Variants in DACH2 observed in about 807,000 individuals in gnomAD.
The protein encoded by DACH2 is dachshund family transcription factor 2, also known as dachshund homolog 2.
A neutral mutation model predicts 35.8 loss-of-function variants in DACH2; 17 were observed. The observed-to-expected ratio is 0.48, with a 90% CI of 0.33 to 0.71. DACH2 has a LOEUF of 0.71. DACH2 is among the 30% of genes least tolerant of loss of function. DACH2 has a pLI of 0.02. For missense variants in DACH2, 469 were observed against 472.7 expected (o/e 0.99, Z 0.07); for synonymous variants, 195 against 177.3 (o/e 1.10, Z -0.79).
intron 7 of DACH2, among the ~76,000 whole-genome samples, chrX:86,792,923 A>G (rs990018990): frequency 9.9e-5 from 11 of 111,518 alleles, no homozygotes; most frequent in Non-Finnish European, 1.7e-4. Flanking sequence ...TGGTAGTTCT[A>G]TTTTTAGTTT....
intron 6 of DACH2, among the ~76,000 whole-genome samples, chrX:86,732,172 G>A (rs909309199): frequency 9.0e-6 from 1 of 111,377 alleles, no homozygotes; most frequent in Non-Finnish European, 1.9e-5. Context: ...CAGTCATTTT[G>A]AGAACAAGAA....
At chrX:86,166,064 T>C (rs1382082515) in intron 1 of DACH2, among the ~76,000 whole-genome samples, 1 of 111,640 alleles carries the variant, frequency 9.0e-6, no homozygotes, top group Admixed American at 9.5e-5. Context: ...TTTCCACCTT[T>C]CCCAGCACTC....
chrX:86,629,921 G>A lies in DACH2; in HGVS notation c.641-21115G>A, dbSNP rs182809154. Among the ~76,000 whole-genome samples the A allele has an allele frequency of 2.9e-3, 323 of 110,883 alleles. 1 individual carries two copies. The highest frequency in any genetic ancestry group is 0.011 in the African/African-American group (321 of 30,498). Reference sequence around the variant, plus strand: ...AAATGATAAAAATAAATTACCAACAGACAAGTATAACTCATGATTACCCAA... The same window carrying A: ...AAATGATAAAAATAAATTACCAACAAACAAGTATAACTCATGATTACCCAA... On this transcript the variant is annotated intron_variant, in intron 3 of 11. Coordinates refer to ENST00000373125, the MANE Select transcript of DACH2 (RefSeq NM_053281.3).
rs1050414463 is a variant in DACH2 at position 86,714,641 on chromosome X, A to C, written c.1025A>C (p.His342Pro). ...GCCATGGCAATGAATCAGATGAACC[A>C]TCTCAATACTATTGCCAACATGGCT... ...SVAMAMNQMN[H>P]LNTIANMAAA... is the part of the protein sequence containing the mutation. Residue 342 changes from histidine (H) to proline (P), a missense_variant, in exon 6 of 12, where the codon CAT becomes CCT. His to Pro is a moderately conservative substitution (Grantham distance 77, BLOSUM62 -2). Transcript: ENST00000373125. The C allele has an allele frequency of 8.3e-7, 1 of 1,207,028 alleles. No individual in the cohort carries two copies. The highest frequency in any genetic ancestry group is 1.1e-6 in the Non-Finnish European group (1 of 892,935).
chrX:86,297,962 T>C (rs769627828), intron 1 of DACH2, among the ~76,000 whole-genome samples: 2 of 112,001 alleles, frequency 1.8e-5, no homozygotes, highest in African/African-American at 6.5e-5. Flanking sequence ...ATATAAAACT[T>C]GACAAGATAG....
intron 1 of DACH2, chrX:86,262,941 A>G: frequency 2.7e-6 from 2 of 741,143 alleles, no homozygotes; most frequent in Non-Finnish European, 1.6e-6. Flanking sequence ...CCTCCACATT[A>G]AAACAACCCC....
intron 1 of DACH2, among the ~76,000 whole-genome samples, chrX:86,194,904 C>T (rs1405659010): frequency 3.5e-5 from 4 of 112,722 alleles, no homozygotes. Flanking sequence ...CCTTGGTCTG[C>T]TGGCCTCTCC....
At chrX:86,760,811 G>T (rs766843098) in intron 7 of DACH2, among the ~76,000 whole-genome samples, 1 of 108,238 alleles carries the variant, frequency 9.2e-6, no homozygotes. Flanking sequence ...TGTGTCCTTA[G>T]GTTGATAGCT....
intron 1 of DACH2, among the ~76,000 whole-genome samples, chrX:86,281,212 G>C (rs1319669292): frequency 9.0e-6 from 1 of 111,028 alleles, no homozygotes; most frequent in Non-Finnish European, 1.9e-5. Flanking sequence ...CAAAATTTCA[G>C]GCCAATATCC....
At chrX:86,627,631 C>T (rs907181558) in intron 3 of DACH2, among the ~76,000 whole-genome samples, 3 of 111,705 alleles carry the variant, frequency 2.7e-5, no homozygotes, top group African/African-American at 9.7e-5. Context: ...CATTTCTTTA[C>T]ATATTATTCA....
At chrX:86,700,106 G>A (rs1302693324) in intron 5 of DACH2, among the ~76,000 whole-genome samples, 2 of 97,387 alleles carry the variant, frequency 2.1e-5, no homozygotes, top group African/African-American at 7.2e-5. Context: ...ATTGTTTTAT[G>A]TTTGATTATG....
At chrX:86,673,690 C>CG (rs2040796027) in intron 4 of DACH2, among the ~76,000 whole-genome samples, 1 of 110,759 alleles carries the variant, frequency 9.0e-6, no homozygotes, top group South Asian at 3.8e-4. Flanking sequence ...TGGGAGGGGC[C>CG]GGGGGCAGAA....
intron 7 of DACH2, among the ~76,000 whole-genome samples, chrX:86,769,552 T>C (rs1372494423): frequency 2.7e-5 from 3 of 111,783 alleles, no homozygotes; most frequent in Non-Finnish European, 5.6e-5. Flanking sequence ...ACAACTAATT[T>C]TTAGAAAAGT....
At chrX:86,604,606 C>G (rs1017803234) in intron 3 of DACH2, among the ~76,000 whole-genome samples, 3 of 111,506 alleles carry the variant, frequency 2.7e-5, no homozygotes, top group African/African-American at 9.8e-5. Context: ...TTCCCATCTC[C>G]CAATGATTTA....
chrX:86,826,437 CCT>C (rs780829595), intron 11 of DACH2, among the ~76,000 whole-genome samples: 12 of 110,201 alleles, frequency 1.1e-4, no homozygotes, highest in Non-Finnish European at 2.1e-4. Context: ...TTTCAAGAAA[CCT>C]CTGTTTTTAA....
intron 2 of DACH2, among the ~76,000 whole-genome samples, chrX:86,413,763 C>T (rs1017373740): frequency 9.0e-6 from 1 of 111,041 alleles, no homozygotes; most frequent in African/African-American, 3.3e-5. Flanking sequence ...CCTTCAGCTG[C>T]GAAGTATGTC....
chrX:86,651,032 T>C lies in DACH2; in HGVS notation c.641-4T>C. On this transcript the variant is annotated splice_polypyrimidine_tract_variant and splice_region_variant and intron_variant, in intron 3 of 11. Coordinates refer to ENST00000373125, the MANE Select transcript of DACH2 (RefSeq NM_053281.3). ...TAAATGGAATGGAATAATTCTGCTT[T>C]TAGGTATAACAGCTGCAGCGATGGC... 1 of 1,195,234 alleles carries C rather than the reference T, an allele frequency of 8.4e-7. No individual in the cohort carries two copies. Among genetic ancestry groups the C allele is most frequent in the East Asian group, 3.0e-5 (1 of 32,878 alleles).
At chrX:86,202,550 A>T (rs777044925) in intron 1 of DACH2, among the ~76,000 whole-genome samples, 1 of 111,564 alleles carries the variant, frequency 9.0e-6, no homozygotes, top group South Asian at 3.7e-4. Context: ...ATTTGGTATT[A>T]TTGAGGTGAA....
chrX:86,461,939 C>A (rs2037581339), intron 2 of DACH2, among the ~76,000 whole-genome samples: 1 of 110,559 alleles, frequency 9.0e-6, no homozygotes, highest in African/African-American at 3.3e-5. Context: ...TTCTCTGTTA[C>A]CTGTGGAAAA....
Sources: allele counts gnomAD v4.1 joint callset (sites outside exome capture counted in the v4.1 genomes callset), GRCh38; gene constraint gnomAD v4.1.1; transcripts MANE v1.5; gene names NCBI Gene and HGNC (gene_info 2026-07-23, HGNC 2026-07-21).